The following MAPK1IP1L variants were observed in gnomAD, a reference collection of about 807,000 sequenced individuals.
The protein encoded by MAPK1IP1L is mitogen-activated protein kinase 1 interacting protein 1 like.
A neutral mutation model predicts 18.1 loss-of-function variants in MAPK1IP1L; 10 were observed. The observed-to-expected ratio is 0.55, with a 90% CI of 0.34 to 0.94. The LOEUF (loss-of-function observed/expected upper bound fraction) is 0.94. Among genes scored for constraint, MAPK1IP1L ranks in the 40% least tolerant of loss-of-function variants. MAPK1IP1L has a pLI of 0.02. For missense variants in MAPK1IP1L, 260 were observed against 318.2 expected, an observed-to-expected ratio of 0.82 and a Z score of 1.39; for synonymous variants, 115 against 117.3, an observed-to-expected ratio of 0.98 and a Z score of 0.13.
chr14:55,055,558 G>A (rs988843363), intron 1 of MAPK1IP1L, among the ~76,000 whole-genome samples: 4 of 152,084 alleles, frequency 2.6e-5, no homozygotes, highest in African/African-American at 9.7e-5. Flanking sequence ...GGATACACTG[G>A]ACAAAGGGAT....
intron 1 of MAPK1IP1L, among the ~76,000 whole-genome samples, chr14:55,057,175 C>CTT (rs2042778650): frequency 6.6e-6 from 1 of 152,188 alleles, no homozygotes; most frequent in Admixed American, 6.5e-5. Flanking sequence ...TGGAGCAAGA[C>CTT]CTCTGTGCCC....
intron 1 of MAPK1IP1L, among the ~76,000 whole-genome samples, chr14:55,052,701 A>C (rs1032359407): frequency 6.6e-6 from 1 of 152,220 alleles, no homozygotes; most frequent in Non-Finnish European, 1.5e-5. Context: ...GAAACATTTC[A>C]TAAGTTCTTT....
Position 55,065,135 on chromosome 14 carries a change from G to A in MAPK1IP1L, c.*508G>A, listed in dbSNP as rs2042852301. On this transcript the variant is annotated 3_prime_UTR_variant, in exon 4 of 4. Transcript: ENST00000395468. ...CCTGGTCCTCTTGAGGTTATATTTTGGATATACATTTTTAAACTGTCAGTA... is the reference window on the plus strand; with the variant it reads ...CCTGGTCCTCTTGAGGTTATATTTTAGATATACATTTTTAAACTGTCAGTA... 1 of 152,300 alleles carries A rather than the reference G, an allele frequency of 6.6e-6. No homozygotes were observed. Among genetic ancestry groups the A allele is most frequent in the Non-Finnish European group, 1.5e-5 (1 of 68,142 alleles). The allele number at this position is 152,300 out of a possible 1,614,324, so 9.4% of individuals were successfully genotyped here. A position where few individuals can be genotyped will look rare whatever the true frequency, so the allele number is the denominator to read the frequency against.
intron 3 of MAPK1IP1L, 127 bp from the exon 4 acceptor site, chr14:55,064,489 C>A: frequency 1.4e-6 from 1 of 731,710 alleles, no homozygotes; most frequent in Non-Finnish European, 2.4e-6. Context: ...AAAGTGTATG[C>A]CAGAGTAAAT....
Position 55,064,720 on chromosome 14 carries a change from G to C in MAPK1IP1L, c.*93G>C. On this transcript the variant is annotated 3_prime_UTR_variant, in exon 4 of 4. Coordinates refer to ENST00000395468, the MANE Select transcript of MAPK1IP1L (RefSeq NM_144578.4). Reference sequence around the variant, plus strand: ...ATAAAAATTGCTGGTTTCACTATTAGAGGGCATTCATGAAAGAACAACTCT... The same window carrying C: ...ATAAAAATTGCTGGTTTCACTATTACAGGGCATTCATGAAAGAACAACTCT... 8.0e-7 allele frequency: 1 copy of C among 1,249,842 alleles called. No individual in the cohort carries two copies. The highest frequency in any genetic ancestry group is 2.3e-5 in the East Asian group (1 of 42,796). The allele number at this position is 1,249,842 out of a possible 1,614,324, so 77.4% of individuals were successfully genotyped here. A position where few individuals can be genotyped will look rare whatever the true frequency, so the allele number is the denominator to read the frequency against.
In MAPK1IP1L at chr14:55,051,703, G is replaced by A. The variant is rs372906319; in HGVS notation, c.-105G>A. On this transcript the variant is annotated 5_prime_UTR_variant, in exon 1 of 4. Transcript: ENST00000395468. Reference sequence around the variant, plus strand: ...CGCTGCTGGTGCTGTTGCCGCCGCTGCTCTAGCTGCCGTCAGTCAGGCTGC... The same window carrying A: ...CGCTGCTGGTGCTGTTGCCGCCGCTACTCTAGCTGCCGTCAGTCAGGCTGC... 2.5e-5 allele frequency: 13 copies of A among 516,194 alleles called. No homozygotes were observed. The highest frequency in any genetic ancestry group is 1.9e-4 in the African/African-American group (10 of 51,566). 32.0% of individuals were successfully genotyped at this position (516,194 alleles called of 1,614,324 possible).
chr14:55,056,602 T>C (rs926961785), intron 1 of MAPK1IP1L, among the ~76,000 whole-genome samples: 1 of 152,150 alleles, frequency 6.6e-6, no homozygotes, highest in Non-Finnish European at 1.5e-5. Flanking sequence ...CTCCGCCTCC[T>C]GGGTTCGCGC....
At chr14:55,064,185 A>G (rs1594627405) in intron 3 of MAPK1IP1L, among the ~76,000 whole-genome samples, 1 of 150,986 alleles carries the variant, frequency 6.6e-6, no homozygotes, top group Non-Finnish European at 1.5e-5. Flanking sequence ...GTAGAGATGG[A>G]GTTTCACCAT....
chr14:55,053,839 T>G (rs2042749645), intron 1 of MAPK1IP1L, among the ~76,000 whole-genome samples: 1 of 152,222 alleles, frequency 6.6e-6, no homozygotes, highest in Admixed American at 6.5e-5. Flanking sequence ...ATAATTTCTC[T>G]AAAGGCCAAC....
At chr14:55,060,065 T>C (rs1438521891) in intron 1 of MAPK1IP1L, among the ~76,000 whole-genome samples, 1 of 151,472 alleles carries the variant, frequency 6.6e-6, no homozygotes, top group Non-Finnish European at 1.5e-5. Context: ...AGGAAAACAT[T>C]GATAGATTTG....
At chr14:55,059,061 C>T (rs2042793447) in intron 1 of MAPK1IP1L, among the ~76,000 whole-genome samples, 1 of 151,222 alleles carries the variant, frequency 6.6e-6, no homozygotes, top group South Asian at 2.1e-4. Context: ...CCTCAGGTAC[C>T]GAGGGACTAT....
At chr14:55,064,308 A>G (rs1411532044) in intron 3 of MAPK1IP1L, among the ~76,000 whole-genome samples, 1 of 152,010 alleles carries the variant, frequency 6.6e-6, no homozygotes, top group Non-Finnish European at 1.5e-5. Context: ...AAAAAAAAAA[A>G]TCTGTTAACT....
intron 3 of MAPK1IP1L, among the ~76,000 whole-genome samples, chr14:55,064,111 G>A (rs1426685014): frequency 6.6e-5 from 9 of 136,296 alleles, no homozygotes; most frequent in Non-Finnish European, 1.1e-4. Flanking sequence ...AGGTTCAAGC[G>A]ATTCTCCTGA....
chr14:55,059,259 C>T (rs1371013295), intron 1 of MAPK1IP1L, among the ~76,000 whole-genome samples: 1 of 136,560 alleles, frequency 7.3e-6, no homozygotes, highest in Non-Finnish European at 1.5e-5. Context: ...AGTAGGGTGA[C>T]TCACATTAAT....
chr14:55,063,158 C>T lies in MAPK1IP1L; in HGVS notation c.559C>T (p.Pro187Ser). ...PPPPQAPGAAPPVPWGTVPPG... is the reference protein window; with the variant it reads ...PPPPQAPGAASPVPWGTVPPG... The stretch of plus-strand genomic sequence containing the variant: ...TCCTCCCCAAGCCCCTGGGGCAGCA[C>T]CACCTGTTCCATGGGGCACCGTTCC... Residue 187 changes from proline to serine, a missense_variant, in exon 3 of 4, where the codon CCA becomes TCA. By Grantham distance (74) the Pro-to-Ser change is moderately conservative. Coordinates refer to ENST00000395468, the MANE Select transcript of MAPK1IP1L (RefSeq NM_144578.4). The T allele has an allele frequency of 6.2e-7, 1 of 1,614,124 alleles. No individual in the cohort carries two copies. The highest frequency in any genetic ancestry group is 8.5e-7 in the Non-Finnish European group (1 of 1,180,036).
chr14:55,062,377 G>A (rs187239255), intron 2 of MAPK1IP1L, among the ~76,000 whole-genome samples: 1 of 152,302 alleles, frequency 6.6e-6, no homozygotes, highest in African/African-American at 2.4e-5. Context: ...AGCACAATAT[G>A]ATTAGTTGTA....
intron 1 of MAPK1IP1L, among the ~76,000 whole-genome samples, chr14:55,058,915 T>C (rs1307529186): frequency 6.6e-6 from 1 of 151,676 alleles, no homozygotes; most frequent in East Asian, 1.9e-4. Flanking sequence ...TTCACACTTT[T>C]AAGTATTATA....
Position 55,062,821 on chromosome 14 carries a change from C to A in MAPK1IP1L, c.222C>A (p.Ser74=), listed in dbSNP as rs151279209. The A allele has an allele frequency of 6.2e-7, 1 of 1,614,112 alleles. No homozygotes were observed. The highest frequency in any genetic ancestry group is 1.1e-5 in the South Asian group (1 of 91,084). ...CAGCACCAACAGGAATGTATCCCTC[C>A]GTGCCTCCCACCGGACCACCTCCAG... ...FGPAPTGMYP[S]VPPTGPPPGP... is the part of the protein sequence containing the mutation. Residue 74 remains serine, a synonymous_variant, in exon 3 of 4, where the codon TCC becomes TCA. Coordinates refer to ENST00000395468, the MANE Select transcript of MAPK1IP1L (RefSeq NM_144578.4).
chr14:55,055,747 A>G (rs1247108318), intron 1 of MAPK1IP1L, among the ~76,000 whole-genome samples: 2 of 152,152 alleles, frequency 1.3e-5, no homozygotes, highest in Non-Finnish European at 1.5e-5. Flanking sequence ...CCTGGCCAAC[A>G]TGGTGAAACC....
Sources: gnomAD v4.1 joint callset for allele counts (sites outside exome capture counted in the v4.1 genomes callset) on GRCh38, gnomAD v4.1.1 for gene constraint, MANE v1.5 for transcripts, NCBI Gene and HGNC (gene_info 2026-07-23, HGNC 2026-07-21) for gene names.